The following JAKMIP1 variants were observed in gnomAD, a reference collection of about 807,000 sequenced individuals.
JAKMIP1 encodes the protein janus kinase and microtubule-interacting protein 1.
Under a neutral mutation model 113.0 loss-of-function variants are expected in JAKMIP1, and 33 were observed. The observed-to-expected ratio is 0.29, with a 90% CI of 0.22 to 0.39. The LOEUF (loss-of-function observed/expected upper bound fraction) is 0.39. Among genes scored for constraint, JAKMIP1 ranks in the 10% least tolerant of loss-of-function variants. The pLI, the probability that JAKMIP1 is intolerant of heterozygous loss-of-function variation, is 1.00. For missense variants in JAKMIP1, 813 were observed against 1,080.5 expected (o/e 0.75, Z 3.47); for synonymous variants, 480 against 459.9 (o/e 1.04, Z -0.56).
chr4:6,171,781 G>A lies in JAKMIP1; in HGVS notation c.-148+28472C>T, dbSNP rs184033688. Among the ~76,000 whole-genome samples the A allele has an allele frequency of 6.1e-3, 927 of 152,260 alleles. 7 individuals carry two copies. Among genetic ancestry groups the A allele is most frequent in the Admixed American group, 0.024 (372 of 15,298 alleles). On this transcript the variant is annotated intron_variant, in intron 1 of 20. Coordinates refer to ENST00000409021, the MANE Select transcript of JAKMIP1 (RefSeq NM_001099433.2). ...CAAATGCCAACTCCCTGCCTGGCAC[G>A]GAATCGAGGCTCGTTCGTTGGCTGA...
chr4:6,134,566 A>G (rs1344951042), intron 1 of JAKMIP1, among the ~76,000 whole-genome samples: 1 of 152,024 alleles, frequency 6.6e-6, no homozygotes, highest in Non-Finnish European at 1.5e-5. Context: ...CTGCATACCA[A>G]TAGTTCCTCA....
intron 1 of JAKMIP1, among the ~76,000 whole-genome samples, chr4:6,127,781 G>A (rs185186147): frequency 1.9e-4 from 29 of 152,294 alleles, no homozygotes; most frequent in African/African-American, 5.5e-4. Flanking sequence ...GGCCCCACTC[G>A]GGCTCACCCT....
intron 1 of JAKMIP1, among the ~76,000 whole-genome samples, chr4:6,195,225 A>C (rs1727720593): frequency 6.6e-6 from 1 of 152,232 alleles, no homozygotes; most frequent in Admixed American, 6.5e-5. Context: ...TGATGCCACT[A>C]ACATTTGTTT....
At chr4:6,090,976 C>T (rs1431756436) in intron 3 of JAKMIP1, among the ~76,000 whole-genome samples, 2 of 152,220 alleles carry the variant, frequency 1.3e-5, no homozygotes, top group Non-Finnish European at 2.9e-5. Context: ...CCATAACCAC[C>T]TTTTCTTCTT....
intron 1 of JAKMIP1, among the ~76,000 whole-genome samples, chr4:6,113,916 C>T (rs115626983): frequency 0.012 from 1,874 of 151,078 alleles, 42 homozygotes; most frequent in African/African-American, 0.042. Flanking sequence ...CATCAGGATC[C>T]GCCAGGTGCG....
At chr4:6,110,632 G>T (rs181100671) in intron 2 of JAKMIP1, among the ~76,000 whole-genome samples, 9 of 143,168 alleles carry the variant, frequency 6.3e-5, no homozygotes, top group African/African-American at 2.3e-4. Flanking sequence ...TCATGTGAGC[G>T]TATGACAGGC....
Position 6,167,818 on chromosome 4 carries a change from A to C in JAKMIP1, c.-148+32435T>G, listed in dbSNP as rs1304513465. Among the ~76,000 whole-genome samples the C allele has an allele frequency of 6.6e-6, 1 of 152,206 alleles. No homozygotes were observed. Among genetic ancestry groups the C allele is most frequent in the African/African-American group, 2.4e-5 (1 of 41,444 alleles). The stretch of plus-strand genomic sequence containing the variant: ...TCACTTGTGAGCATCTCAACTTGAA[A>C]ATTAAAAGACATCTGAGTGCACTGA... On this transcript the variant is annotated intron_variant, in intron 1 of 20. Coordinates refer to ENST00000409021, the MANE Select transcript of JAKMIP1 (RefSeq NM_001099433.2). This position sits in a 1 kb window ranked among gnomAD's most constrained non-coding sequence, Gnocchi z 5.3.
At chr4:6,066,805 C>T (rs1416698495) in intron 8 of JAKMIP1, among the ~76,000 whole-genome samples, 1 of 152,190 alleles carries the variant, frequency 6.6e-6, no homozygotes, top group African/African-American at 2.4e-5. Flanking sequence ...AAACCACCAA[C>T]ATCCAGGCAG....
Position 6,059,291 on chromosome 4 carries a change from G to T in JAKMIP1, c.1644+1133C>A, listed in dbSNP as rs957543499. 6.6e-6 allele frequency among the ~76,000 whole-genome samples: 1 copy of T among 152,188 alleles called. No homozygotes were observed. The highest frequency in any genetic ancestry group is 1.5e-5 in the Non-Finnish European group (1 of 68,030). On this transcript the variant is annotated intron_variant, in intron 11 of 20. Coordinates refer to ENST00000409021, the MANE Select transcript of JAKMIP1 (RefSeq NM_001099433.2). The surrounding 1 kb of genome is among the most constrained non-coding windows in gnomAD (Gnocchi z 4.8). Reference sequence around the variant, plus strand: ...CTGGTCGCTGGCCGTCCGCCTCCATGGGAACCTCAGTCTCAACCCCGAGCC... The same window carrying T: ...CTGGTCGCTGGCCGTCCGCCTCCATTGGAACCTCAGTCTCAACCCCGAGCC...
At chr4:6,115,882 G>A (rs528424330) in intron 1 of JAKMIP1, among the ~76,000 whole-genome samples, 30 of 152,286 alleles carry the variant, frequency 2.0e-4, no homozygotes, top group Admixed American at 9.2e-4. Flanking sequence ...GCCGGTGGGG[G>A]AAAGGGCTGC....
rs148427893 is a variant in JAKMIP1 at position 6,067,544 on chromosome 4, G to C, written c.1303-2536C>G. On this transcript the variant is annotated intron_variant, in intron 8 of 20. Coordinates refer to ENST00000409021, the MANE Select transcript of JAKMIP1 (RefSeq NM_001099433.2). The surrounding 1 kb of genome is among the most constrained non-coding windows in gnomAD (Gnocchi z 4.6). ...AGAGCAGTGGTAGTGACATCCCATGGTGACAATGGCACCCACGGGAGTGAT... is the reference window on the plus strand; with the variant it reads ...AGAGCAGTGGTAGTGACATCCCATGCTGACAATGGCACCCACGGGAGTGAT... Among the ~76,000 whole-genome samples, 1 of 151,386 alleles carries C rather than the reference G, an allele frequency of 6.6e-6. No individual in the cohort carries two copies. Among genetic ancestry groups the C allele is most frequent in the African/African-American group, 2.4e-5 (1 of 41,228 alleles).
At chr4:6,149,562 A>G (rs1257344476) in intron 1 of JAKMIP1, among the ~76,000 whole-genome samples, 1 of 152,220 alleles carries the variant, frequency 6.6e-6, no homozygotes, top group Non-Finnish European at 1.5e-5. Flanking sequence ...ACACGTGGTC[A>G]AGATAGAAAG....
rs1305160482 is a variant in JAKMIP1, at chr4:6,137,893, C to A, written c.-147-24896G>T. 1.3e-5 allele frequency among the ~76,000 whole-genome samples: 2 copies of A among 152,224 alleles called. No homozygotes were observed. The highest frequency in any genetic ancestry group is 2.9e-5 in the Non-Finnish European group (2 of 68,048). On this transcript the variant is annotated intron_variant, in intron 1 of 20. Transcript: ENST00000409021. This position sits in a 1 kb window ranked among gnomAD's most constrained non-coding sequence, Gnocchi z 4.5. ...CCAACCATGGCCTTCTCCTTCCTGG[C>A]ATGGGCCTGGCAGACAAGGTGTGCT...
intron 18 of JAKMIP1, among the ~76,000 whole-genome samples, chr4:6,038,926 G>A (rs1021555673): frequency 2.0e-5 from 3 of 152,206 alleles, no homozygotes; most frequent in Admixed American, 1.3e-4. Flanking sequence ...AGTGACAAAG[G>A]GACACAGGCT....
At chr4:6,026,753 C>T (rs1235633900) in intron 20 of JAKMIP1, among the ~76,000 whole-genome samples, 1 of 152,154 alleles carries the variant, frequency 6.6e-6, no homozygotes, top group African/African-American at 2.4e-5. Context: ...GCCCTTCTGC[C>T]TACACCACGC....
At chr4:6,034,313 A>G (rs1713117745) in intron 19 of JAKMIP1, among the ~76,000 whole-genome samples, 1 of 152,030 alleles carries the variant, frequency 6.6e-6, no homozygotes, top group South Asian at 2.1e-4. Context: ...GTCCAAGGCC[A>G]CACAACTAAA....
At chr4:6,147,519 G>A (rs1721002529) in intron 1 of JAKMIP1, among the ~76,000 whole-genome samples, 1 of 152,108 alleles carries the variant, frequency 6.6e-6, no homozygotes, top group African/African-American at 2.4e-5. Context: ...TCTTCCATGT[G>A]GTCCTCAAGA....
Position 6,081,593 on chromosome 4 carries a change from G to A in JAKMIP1, c.1101+16C>T. On this transcript the variant is annotated intron_variant, in intron 6 of 20. Transcript: ENST00000409021. This position sits in a 1 kb window ranked among gnomAD's most constrained non-coding sequence, Gnocchi z 4.6. Reference sequence around the variant, plus strand: ...AAGGGAGTGTCAGGGCTGTCCCCAAGGGGTCCACAGCTCACCATTTCCACG... The same window carrying A: ...AAGGGAGTGTCAGGGCTGTCCCCAAAGGGTCCACAGCTCACCATTTCCACG... The A allele has an allele frequency of 6.2e-7, 1 of 1,613,890 alleles. No individual in the cohort carries two copies. Among genetic ancestry groups the A allele is most frequent in the African/African-American group, 1.3e-5 (1 of 75,018 alleles).
chr4:6,162,083 C>T lies in JAKMIP1; in HGVS notation c.-148+38170G>A, dbSNP rs905014689. Reference sequence around the variant, plus strand: ...TGCACAGGCCAGCCATGAGCTCAGGCTCAGCCATGTCTGGGACGGGGTAGA... The same window carrying T: ...TGCACAGGCCAGCCATGAGCTCAGGTTCAGCCATGTCTGGGACGGGGTAGA... On this transcript the variant is annotated intron_variant, in intron 1 of 20. Transcript: ENST00000409021. The surrounding 1 kb of genome is among the most constrained non-coding windows in gnomAD (Gnocchi z 5.6). Among the ~76,000 whole-genome samples, 1 of 148,042 alleles carries T rather than the reference C, an allele frequency of 6.8e-6. No individual in the cohort carries two copies. Among genetic ancestry groups the T allele is most frequent in the Non-Finnish European group, 1.5e-5 (1 of 67,996 alleles).
Sources: allele counts gnomAD v4.1 joint callset (sites outside exome capture counted in the v4.1 genomes callset), GRCh38; gene constraint gnomAD v4.1.1; non-coding constraint Gnocchi (gnomAD v3.1); transcripts MANE v1.5; gene names NCBI Gene and HGNC (gene_info 2026-07-23, HGNC 2026-07-21).